Variants in NFATC2 observed in about 807,000 individuals in gnomAD.
NFATC2 encodes the protein nuclear factor of activated T-cells, cytoplasmic 2.
A neutral mutation model predicts 87.3 loss-of-function variants in NFATC2; 22 were observed. The observed-to-expected ratio is 0.25, with a 90% confidence interval of 0.18 to 0.36. The LOEUF (loss-of-function observed/expected upper bound fraction) is 0.36, where lower values mean the gene tolerates loss of function less well. Ranked by LOEUF, NFATC2 falls within the 10% of genes least tolerant of loss-of-function variation. The probability of loss-of-function intolerance (pLI) is 1.00; values close to 1 mark genes in which losing one functional copy is unlikely to be tolerated. For synonymous variants in NFATC2, 565 were observed against 542.2 expected, an observed-to-expected ratio of 1.04 and a Z score of -0.58; for missense variants, 1,149 against 1,259.1, an observed-to-expected ratio of 0.91 and a Z score of 1.32.
chr20:51,514,070 G>C (rs1311856918), intron 3 of NFATC2, among the ~76,000 whole-genome samples: 1 of 152,224 alleles, frequency 6.6e-6, no homozygotes, highest in East Asian at 1.9e-4. Flanking sequence ...GATTAAATAA[G>C]TTAACACATA....
chr20:51,560,726 TAC>T (rs35708151), intron 1 of NFATC2, among the ~76,000 whole-genome samples: 8 of 150,406 alleles, frequency 5.3e-5, no homozygotes, highest in East Asian at 1.9e-4. Flanking sequence ...CTCCCACATG[TAC>T]ACACACACAC....
At chr20:51,531,433 G>T (rs1413317551) in intron 1 of NFATC2, among the ~76,000 whole-genome samples, 1 of 152,296 alleles carries the variant, frequency 6.6e-6, no homozygotes, top group South Asian at 2.1e-4. Flanking sequence ...CAATAGGTAG[G>T]CCCTGTGAAT....
intron 1 of NFATC2, among the ~76,000 whole-genome samples, chr20:51,552,841 C>CATGTGCAGG (rs1170384304): frequency 2.0e-5 from 3 of 152,098 alleles, no homozygotes; most frequent in Middle Eastern, 3.4e-3. Flanking sequence ...TTCTGGGATA[C>CATGTGCAGG]ATGTGCAGGA....
rs6067798 is a variant in NFATC2 at position 51,498,026 on chromosome 20, C to T, written c.1332+18758G>A. Among the ~76,000 whole-genome samples, 673 of 152,246 alleles carry T rather than the reference C, an allele frequency of 4.4e-3. 3 individuals are homozygous for T. Among genetic ancestry groups the T allele is most frequent in the South Asian group, 0.018 (89 of 4,816 alleles). Reference sequence around the variant, plus strand: ...TTTTTCCTTCTTAATCATCATAAAACTAACTTGTGCCTATTCCATCAAGTC... The same window carrying T: ...TTTTTCCTTCTTAATCATCATAAAATTAACTTGTGCCTATTCCATCAAGTC... On this transcript the variant is annotated intron_variant, in intron 3 of 10. Transcript: ENST00000371564.
chr20:51,462,982 T>TC (rs1987308564), intron 5 of NFATC2, among the ~76,000 whole-genome samples: 2 of 152,212 alleles, frequency 1.3e-5, no homozygotes, highest in Admixed American at 1.3e-4. Flanking sequence ...AGAAGGTTCC[T>TC]CCCATTGGTC....
rs968077216 is a variant in NFATC2, at chr20:51,446,672, G to T, written c.1849+7876C>A. 3.3e-5 allele frequency among the ~76,000 whole-genome samples: 5 copies of T among 152,228 alleles called. No homozygotes were observed. The South Asian group carries it at 8.3e-4, about 25-fold the overall frequency. ...ACTTAAAAGCCTGTTCTTCAATGCA[G>T]GGGACCAAGTTTAGGCAAATATTTA... On this transcript the variant is annotated intron_variant, in intron 6 of 10. Transcript: ENST00000371564.
In NFATC2 at chr20:51,388,888, C is replaced by G. The variant is rs944842066; in HGVS notation, c.*2608G>C. 6.6e-6 allele frequency: 1 copy of G among 152,208 alleles called. No homozygotes were observed. Among genetic ancestry groups the G allele is most frequent in the African/African-American group, 2.4e-5 (1 of 41,448 alleles). The allele number at this position is 152,208 out of a possible 1,614,324, so 9.4% of individuals were successfully genotyped here. A position where few individuals can be genotyped will look rare whatever the true frequency, so the allele number is the denominator to read the frequency against. ...TTAGACACCCCTACTTTCTCATTCT[C>G]TTAGAGGATCTTATTGCCTCTTCCC... is the stretch of plus-strand genomic sequence containing the variant. On this transcript the variant is annotated 3_prime_UTR_variant, in exon 11 of 11. Coordinates refer to ENST00000371564, the MANE Select transcript of NFATC2 (RefSeq NM_012340.5).
At chr20:51,435,955 G>T (rs1338764855) in intron 6 of NFATC2, among the ~76,000 whole-genome samples, 194 bp from the exon 7 acceptor site, 1 of 152,150 alleles carries the variant, frequency 6.6e-6, no homozygotes, top group Non-Finnish European at 1.5e-5. Flanking sequence ...AGGAGACATG[G>T]TGTCAATAGA....
At chr20:51,433,522 A>C (rs932751461) in intron 8 of NFATC2, among the ~76,000 whole-genome samples, 1 of 152,082 alleles carries the variant, frequency 6.6e-6, no homozygotes, top group Admixed American at 6.6e-5. Flanking sequence ...TGTCACTGCT[A>C]TTCTCTTACT....
chr20:51,536,084 CAG>C (rs2076715177), intron 1 of NFATC2, among the ~76,000 whole-genome samples: 1 of 152,178 alleles, frequency 6.6e-6, no homozygotes, highest in African/African-American at 2.4e-5. Flanking sequence ...GAGAAAGAAA[CAG>C]AAAAATAGCA....
At chr20:51,542,064 C>G (rs2076827426) in intron 1 of NFATC2, among the ~76,000 whole-genome samples, 1 of 152,194 alleles carries the variant, frequency 6.6e-6, no homozygotes, top group African/African-American at 2.4e-5. Flanking sequence ...AAGAGGCCAG[C>G]AGACAGCACC....
intron 2 of NFATC2, among the ~76,000 whole-genome samples, chr20:51,522,517 A>G (rs2076463758): frequency 1.3e-5 from 2 of 151,972 alleles, no homozygotes; most frequent in South Asian, 4.1e-4. Context: ...CTATTCTGCT[A>G]TCTACATACA....
intron 5 of NFATC2, among the ~76,000 whole-genome samples, chr20:51,465,218 T>C (rs959268207): frequency 1.3e-4 from 20 of 152,140 alleles, no homozygotes; most frequent in African/African-American, 4.8e-4. Flanking sequence ...TGAAACCCCG[T>C]CTCTACTAAA....
chr20:51,505,085 C>CTCACT lies in NFATC2; in HGVS notation c.1332+11694_1332+11698dup, dbSNP rs1473055899. ...CTGGAGTGCAGTGGTGCGGTCTCAG[C>CTCACT]TCACTGCAAGCTCCACCTCCCGGGT... On this transcript the variant is annotated intron_variant, in intron 3 of 10. Transcript: ENST00000371564. 1.1e-4 allele frequency among the ~76,000 whole-genome samples: 15 copies of CTCACT among 134,954 alleles called. No individual in the cohort carries two copies. In the East Asian group the frequency reaches 3.2e-3, roughly 29 times the overall value. The allele number at this position is 134,954 out of a possible 152,430, so 88.5% of individuals were successfully genotyped here. A position where few individuals can be genotyped will look rare whatever the true frequency, so the allele number is the denominator to read the frequency against.
At chr20:51,562,833 G>A (rs2077044723), upstream of NFATC2, 1 of 524,606 alleles carries the variant, frequency 1.9e-6, no homozygotes, top group Middle Eastern at 3.7e-4. This position sits in a 1 kb window ranked among gnomAD's most constrained non-coding sequence, Gnocchi z 5.8. Context: ...TACTCCAGAG[G>A]CAACGCGACT....
At chr20:51,444,603 C>T (rs941597169) in intron 6 of NFATC2, among the ~76,000 whole-genome samples, 3 of 152,170 alleles carry the variant, frequency 2.0e-5, no homozygotes, top group Non-Finnish European at 4.4e-5. Context: ...CTCACCCGGG[C>T]TGTGAGCATG....
intron 3 of NFATC2, among the ~76,000 whole-genome samples, chr20:51,510,185 C>T (rs1490094579): frequency 2.6e-5 from 4 of 152,184 alleles, no homozygotes; most frequent in Non-Finnish European, 5.9e-5. Context: ...TTTTTGAAAG[C>T]CCCAGCACAA....
At position 51,496,811 on chromosome 20, in the gene NFATC2, T is replaced by G. The variant is rs2075996182; in HGVS notation, c.1332+19973A>C. ...CAATCCCCTTGTGACCTCAATTATT[T>G]TCCCGTCTGTTTCTCCCAGCAGACT... On this transcript the variant is annotated intron_variant, in intron 3 of 10. Transcript: ENST00000371564. Among the ~76,000 whole-genome samples, 5 of 152,164 alleles carry G rather than the reference T, an allele frequency of 3.3e-5. No individual in the cohort carries two copies. The South Asian group carries it at 1.0e-3, about 32-fold the overall frequency.
chr20:51,490,393 C>T (rs954499397), intron 3 of NFATC2, among the ~76,000 whole-genome samples: 7 of 152,334 alleles, frequency 4.6e-5, no homozygotes, highest in African/African-American at 1.7e-4. Flanking sequence ...ATACGATCTT[C>T]TGTTCCTGTA....
Sources: allele counts gnomAD v4.1 joint callset (sites outside exome capture counted in the v4.1 genomes callset), GRCh38; gene constraint gnomAD v4.1.1; non-coding constraint Gnocchi (gnomAD v3.1); transcripts MANE v1.5; gene names NCBI Gene and HGNC (gene_info 2026-07-23, HGNC 2026-07-21).